Variants in ERC2 observed in about 807,000 individuals in gnomAD.
ERC2 encodes the protein ELKS/RAB6-interacting/CAST family member 2.
Under a neutral mutation model 114.8 loss-of-function variants are expected in ERC2, and 42 were observed. The ratio of observed to expected loss-of-function variants is 0.37; its 90% confidence interval spans 0.29 to 0.47. The LOEUF is 0.47. Ranked by LOEUF, ERC2 falls within the 20% of genes least tolerant of loss-of-function variation. The probability of loss-of-function intolerance (pLI) is 0.99; values close to 1 mark genes in which losing one functional copy is unlikely to be tolerated. For missense variants in ERC2, 939 were observed against 1,150.7 expected (o/e 0.82, Z 2.66); for synonymous variants, 454 against 425.5 (o/e 1.07, Z -0.82).
chr3:55,907,793 T>C (rs1272279446), intron 13 of ERC2, among the ~76,000 whole-genome samples: 2 of 152,206 alleles, frequency 1.3e-5, no homozygotes, highest in Admixed American at 6.5e-5. Context: ...CTCAGGGTCA[T>C]AGCAAGGACT....
intron 14 of ERC2, among the ~76,000 whole-genome samples, chr3:55,788,937 T>C (rs1431527275): frequency 1.3e-5 from 2 of 152,200 alleles, no homozygotes; most frequent in African/African-American, 4.8e-5. Context: ...CCTTCTTGTG[T>C]AGCTTCCCAG....
intron 17 of ERC2, among the ~76,000 whole-genome samples, chr3:55,603,413 A>G (rs1287870831): frequency 6.6e-6 from 1 of 152,194 alleles, no homozygotes; most frequent in East Asian, 1.9e-4. Context: ...CAGGCGGATC[A>G]CAAGGTCAGG....
chr3:56,210,323 GT>G (rs1478230717), intron 3 of ERC2, among the ~76,000 whole-genome samples: 1 of 152,158 alleles, frequency 6.6e-6, no homozygotes, highest in African/African-American at 2.4e-5. Flanking sequence ...AAATGGCAGA[GT>G]TTAATATTTA....
At chr3:56,026,845 G>C (rs935501403) in intron 7 of ERC2, among the ~76,000 whole-genome samples, 3 of 151,990 alleles carry the variant, frequency 2.0e-5, no homozygotes, top group South Asian at 2.1e-4. Flanking sequence ...TCTGTATTTA[G>C]TTCTATGCAA....
chr3:56,307,163 G>A (rs924832011), intron 2 of ERC2, among the ~76,000 whole-genome samples: 1 of 152,218 alleles, frequency 6.6e-6, no homozygotes, highest in South Asian at 2.1e-4. Context: ...TAATCATGAT[G>A]TTTGGCTAGA....
At chr3:55,865,592 C>G (rs1353360137) in intron 14 of ERC2, among the ~76,000 whole-genome samples, 2 of 152,014 alleles carry the variant, frequency 1.3e-5, no homozygotes, top group Admixed American at 6.6e-5. Flanking sequence ...AAACAGAACC[C>G]TATACCCATT....
At chr3:56,420,177 C>CTTTTTTTT (rs34883402) in intron 2 of ERC2, among the ~76,000 whole-genome samples, 3 of 72,290 alleles carry the variant, frequency 4.1e-5, no homozygotes, top group African/African-American at 5.6e-5. Flanking sequence ...AGTGGTTATA[C>CTTTTTTTT]TTTTTTTTTT....
In ERC2 at chr3:56,395,933, C is replaced by T. The variant is rs116816886; in HGVS notation, c.657+38418G>A. Among the ~76,000 whole-genome samples, 512 of 152,242 alleles carry T rather than the reference C, an allele frequency of 3.4e-3. 2 individuals carry two copies. The highest frequency in any genetic ancestry group is 0.011 in the African/African-American group (477 of 41,544). ...GTATCTCCCTTTTTACGTGAACAGA[C>T]GGTTCACCAGAGAGGAACTCCAAGT... is the stretch of plus-strand genomic sequence containing the variant. On this transcript the variant is annotated intron_variant, in intron 2 of 17. Coordinates refer to ENST00000288221, the MANE Select transcript of ERC2 (RefSeq NM_015576.3).
intron 2 of ERC2, among the ~76,000 whole-genome samples, chr3:56,356,556 TC>T (rs1254449391): frequency 6.6e-6 from 1 of 152,188 alleles, no homozygotes; most frequent in East Asian, 1.9e-4. Context: ...GTTAGCCCTC[TC>T]TTGATTCATT....
At chr3:55,817,333 A>G (rs2059940472) in intron 14 of ERC2, among the ~76,000 whole-genome samples, 2 of 152,330 alleles carry the variant, frequency 1.3e-5, no homozygotes, top group South Asian at 4.1e-4. Context: ...GCACAGGTTC[A>G]GGAAACAAAT....
intron 2 of ERC2, among the ~76,000 whole-genome samples, chr3:56,369,897 G>C (rs183712775): frequency 6.6e-6 from 1 of 151,904 alleles, no homozygotes; most frequent in African/African-American, 2.4e-5. Flanking sequence ...GGATGGTCTC[G>C]ATCTCTTGAC....
intron 14 of ERC2, among the ~76,000 whole-genome samples, chr3:55,846,753 T>C (rs1438331189): frequency 2.0e-5 from 3 of 151,108 alleles, no homozygotes; most frequent in African/African-American, 2.4e-5. Context: ...ACGTCTGCAT[T>C]ATGTGTTTTG....
chr3:55,589,763 G>C (rs888244762), intron 17 of ERC2, among the ~76,000 whole-genome samples: 18 of 152,052 alleles, frequency 1.2e-4, no homozygotes, highest in African/African-American at 4.1e-4. Context: ...CTCAGGTCAA[G>C]CCCAAGAGGC....
At chr3:56,132,576 G>A (rs970276362) in intron 6 of ERC2, among the ~76,000 whole-genome samples, 1 of 152,230 alleles carries the variant, frequency 6.6e-6, no homozygotes, top group African/African-American at 2.4e-5. Context: ...GGCGGAGCTT[G>A]CAGTGAGCTG....
intron 6 of ERC2, among the ~76,000 whole-genome samples, chr3:56,108,652 G>T (rs2078796751): frequency 6.6e-6 from 1 of 152,008 alleles, no homozygotes; most frequent in East Asian, 1.9e-4. Context: ...TTCTCCCTAA[G>T]TTAATTTATA....
chr3:56,136,994 G>A (rs2080546558), intron 6 of ERC2, among the ~76,000 whole-genome samples: 2 of 152,150 alleles, frequency 1.3e-5, no homozygotes, highest in Admixed American at 1.3e-4. Context: ...TTGAACATGG[G>A]ACGGAAGCTA....
At chr3:56,291,962 T>C (rs1273654820) in intron 3 of ERC2, among the ~76,000 whole-genome samples, 3 of 152,184 alleles carry the variant, frequency 2.0e-5, no homozygotes, top group Non-Finnish European at 4.4e-5. Flanking sequence ...AAACAACCAT[T>C]TGTATATTAT....
At chr3:56,253,139 A>G (rs2052289770) in intron 3 of ERC2, among the ~76,000 whole-genome samples, 1 of 152,136 alleles carries the variant, frequency 6.6e-6, no homozygotes, top group Non-Finnish European at 1.5e-5. Flanking sequence ...TGGTTATTCT[A>G]AGAAGGAATC....
At chr3:55,954,531 T>A (rs1471371711) in intron 12 of ERC2, among the ~76,000 whole-genome samples, 1 of 152,184 alleles carries the variant, frequency 6.6e-6, no homozygotes, top group African/African-American at 2.4e-5. Flanking sequence ...GGACAGGAGA[T>A]GCATATGTTT....
Sources: allele counts gnomAD v4.1 joint callset (sites outside exome capture counted in the v4.1 genomes callset), GRCh38; gene constraint gnomAD v4.1.1; transcripts MANE v1.5; gene names NCBI Gene and HGNC (gene_info 2026-07-23, HGNC 2026-07-21).